The following EBF3 variants were observed in gnomAD, a reference collection of about 807,000 sequenced individuals.
The protein encoded by EBF3 is transcription factor COE3.
A neutral mutation model predicts 77.1 loss-of-function variants in EBF3; 18 were observed. The observed-to-expected ratio is 0.23, with a 90% CI of 0.16 to 0.35. The LOEUF (loss-of-function observed/expected upper bound fraction) is 0.35, where lower values mean the gene tolerates loss of function less well. Ranked by LOEUF, EBF3 falls within the 10% of genes least tolerant of loss-of-function variation. The pLI is 1.00. For missense variants in EBF3, 558 were observed against 860.0 expected (o/e 0.65, Z 4.39); for synonymous variants, 350 against 343.5 (o/e 1.02, Z -0.21).
chr10:129,941,752 C>T (rs1039916973), intron 6 of EBF3, among the ~76,000 whole-genome samples: 1 of 152,368 alleles, frequency 6.6e-6, no homozygotes, highest in Non-Finnish European at 1.5e-5. Context: ...AGCTTGGGGA[C>T]AGGACCAGGC....
At chr10:129,867,045 C>T in intron 10 of EBF3, 96 bp downstream of exon 10, 2 of 1,453,996 alleles carry the variant, frequency 1.4e-6, no homozygotes, top group South Asian at 1.5e-5. Flanking sequence ...CAGACCCCTG[C>T]CCTCTCTGTA....
intron 6 of EBF3, among the ~76,000 whole-genome samples, chr10:129,906,461 T>C (rs983738572): frequency 1.3e-5 from 2 of 152,166 alleles, no homozygotes; most frequent in African/African-American, 4.8e-5. Context: ...TCTTAACCCC[T>C]CTCTGCACTG....
intron 6 of EBF3, among the ~76,000 whole-genome samples, chr10:129,884,819 G>C (rs192569420): frequency 3.3e-5 from 5 of 152,288 alleles, no homozygotes; most frequent in Admixed American, 3.3e-4. Flanking sequence ...GTTCAACAAC[G>C]ACTGGCCTTT....
At chr10:129,850,119 C>CA in intron 10 of EBF3, among the ~76,000 whole-genome samples, 2 of 152,248 alleles carry the variant, frequency 1.3e-5, no homozygotes. Context: ...GAACAGGGAA[C>CA]AAAAAAGGCG....
At position 129,837,909 on chromosome 10, in the gene EBF3, G is replaced by A. The variant is rs201783052; in HGVS notation, c.*34C>T. On this transcript the variant is annotated 3_prime_UTR_variant, in exon 17 of 17. Coordinates refer to ENST00000440978, the MANE Select transcript of EBF3 (RefSeq NM_001375380.1). ...TCCGTCCTTTGATGCTGGGTGCTGC[G>A]GAAGGTAAACAGAAGTCCCTCACAT... 1.3e-3 allele frequency: 2,101 copies of A among 1,614,086 alleles called. 4 individuals carry two copies. Among genetic ancestry groups the A allele is most frequent in the South Asian group, 3.2e-3 (292 of 91,080 alleles).
intron 6 of EBF3, among the ~76,000 whole-genome samples, chr10:129,886,895 AG>A (rs1853626598): frequency 6.6e-6 from 1 of 151,558 alleles, no homozygotes; most frequent in African/African-American, 2.4e-5. Context: ...ACTATGTATG[AG>A]AGACACAGAG....
chr10:129,838,611 G>T (rs1012151675), intron 16 of EBF3, among the ~76,000 whole-genome samples: 15 of 152,310 alleles, frequency 9.8e-5, no homozygotes, highest in South Asian at 2.1e-4. Flanking sequence ...CTCTTCTCAG[G>T]AAAGAAGAGA....
At chr10:129,844,652 T>TCC in intron 11 of EBF3, among the ~76,000 whole-genome samples, 1 of 152,222 alleles carries the variant, frequency 6.6e-6, no homozygotes, top group South Asian at 2.1e-4. Context: ...TGCCATACGT[T>TCC]CCCAGGAACA....
chr10:129,869,179 A>G (rs972361817), intron 8 of EBF3, among the ~76,000 whole-genome samples: 1 of 152,210 alleles, frequency 6.6e-6, no homozygotes, highest in African/African-American at 2.4e-5. Context: ...TGGGACACCC[A>G]GAGGTGGCAT....
chr10:129,924,046 C>G (rs1856482903), intron 6 of EBF3, among the ~76,000 whole-genome samples: 1 of 152,202 alleles, frequency 6.6e-6, no homozygotes, highest in Non-Finnish European at 1.5e-5. Context: ...TGCTCAGCCC[C>G]TCTCAAAGAG....
chr10:129,947,987 T>G lies in EBF3; in HGVS notation c.554+9271A>C, dbSNP rs1406786632. ...AGAAGCCAGTCTGGGTGAGGCACGG[T>G]GGCTCACATCTGTAATCCTAGCACT... On this transcript the variant is annotated intron_variant, in intron 6 of 16. Transcript: ENST00000440978. The surrounding 1 kb of genome is among the most constrained non-coding windows in gnomAD (Gnocchi z 4.5). Among the ~76,000 whole-genome samples the G allele has an allele frequency of 1.3e-5, 2 of 152,134 alleles. No homozygotes were observed. Among genetic ancestry groups the G allele is most frequent in the Non-Finnish European group, 2.9e-5 (2 of 68,010 alleles).
At chr10:129,850,561 C>T (rs118163284) in intron 10 of EBF3, among the ~76,000 whole-genome samples, 151 of 152,296 alleles carry the variant, frequency 9.9e-4, no homozygotes, top group African/African-American at 3.4e-3. Context: ...AGGCTGGATG[C>T]GGGCCGAGGC....
rs1461800918 is a variant in EBF3 at position 129,840,870 on chromosome 10, C to T, written c.1535G>A (p.Gly512Asp). The change falls in exon 14 of 17, where the codon GGC (glycine) becomes GAC (aspartate). Residue 512 changes from glycine (G) to aspartate (D), a missense_variant. Transcript: ENST00000440978. ...GVPGSPGFLN[G>D]SSANSPYGIV... The stretch of plus-strand genomic sequence containing the variant: ...GCCGTAGGGAGAGTTAGCGGAGGAG[C>T]CATTAAGAAATCCAGGCGAGCCAGG... 6.2e-7 allele frequency: 1 copy of T among 1,613,710 alleles called. No individual in the cohort carries two copies. Among genetic ancestry groups the T allele is most frequent in the East Asian group, 2.2e-5 (1 of 44,854 alleles).
chr10:129,960,311 C>G (rs1214760209), intron 4 of EBF3, among the ~76,000 whole-genome samples: 6 of 152,098 alleles, frequency 3.9e-5, no homozygotes, highest in Non-Finnish European at 1.5e-5. Flanking sequence ...GCGGACAAAG[C>G]CCTTTCTGGT....
chr10:129,912,777 T>C lies in EBF3; in HGVS notation c.555-34928A>G, dbSNP rs117994297. On this transcript the variant is annotated intron_variant, in intron 6 of 16. Coordinates refer to ENST00000440978, the MANE Select transcript of EBF3 (RefSeq NM_001375380.1). ...GTAGAAATATCAATATTTGAATAAA[T>C]TGTGGATTTTAAACTTCTCACTCTG... Among the ~76,000 whole-genome samples the C allele has an allele frequency of 1.1e-4, 17 of 152,368 alleles. No individual in the cohort carries two copies. The East Asian group carries it at 1.2e-3, about 10-fold the overall frequency.
chr10:129,865,723 C>T (rs1183581077), intron 10 of EBF3, among the ~76,000 whole-genome samples: 4 of 152,232 alleles, frequency 2.6e-5, no homozygotes, highest in African/African-American at 7.2e-5. Flanking sequence ...TTCTTGCTCA[C>T]TCCGTCCTTC....
intron 16 of EBF3, 83 bp from the exon 17 acceptor site, chr10:129,838,043 T>TCCCCCCTATTCAACTGGG: frequency 6.5e-7 from 1 of 1,537,774 alleles, no homozygotes; most frequent in East Asian, 2.3e-5. Context: ...GGGCTGCCCT[T>TCCCCCCTATTCAACTGGG]CCCCCCTATT....
intron 10 of EBF3, among the ~76,000 whole-genome samples, chr10:129,856,150 G>A (rs1024897748): frequency 3.9e-5 from 6 of 152,204 alleles, no homozygotes; most frequent in Non-Finnish European, 5.9e-5. Context: ...TACTCAGTGC[G>A]ATGTGCACAG....
At chr10:129,955,440 C>T (rs1858966556) in intron 6 of EBF3, among the ~76,000 whole-genome samples, 1 of 152,152 alleles carries the variant, frequency 6.6e-6, no homozygotes, top group African/African-American at 2.4e-5. Flanking sequence ...CCCCTCCTCT[C>T]ATGCTTCTAG....
Sources: allele counts gnomAD v4.1 joint callset (sites outside exome capture counted in the v4.1 genomes callset), GRCh38; gene constraint gnomAD v4.1.1; non-coding constraint Gnocchi (gnomAD v3.1); transcripts MANE v1.5; gene names NCBI Gene and HGNC (gene_info 2026-07-23, HGNC 2026-07-21).